The following FSHR variants were observed in gnomAD, a reference collection of about 807,000 sequenced individuals.
FSHR encodes follicle-stimulating hormone receptor.
In FSHR, 46 loss-of-function variants were observed where a neutral mutation model predicts 52.1. That is an observed-to-expected ratio of 0.88 (90% confidence interval 0.70 to 1.13). The LOEUF is 1.13. FSHR is among the 50% of genes most tolerant of loss of function. The probability of loss-of-function intolerance (pLI) is 0.00; values close to 1 mark genes in which losing one functional copy is unlikely to be tolerated. For synonymous variants in FSHR, 399 were observed against 309.6 expected (o/e 1.29, Z -3.03); for missense variants, 964 against 834.6 (o/e 1.16, Z -1.91).
At chr2:49,023,054 A>C (rs917411263) in intron 2 of FSHR, among the ~76,000 whole-genome samples, 16 of 152,052 alleles carry the variant, frequency 1.1e-4, no homozygotes, top group African/African-American at 3.6e-4. Flanking sequence ...AGACTTTTTG[A>C]CCCAATGTAC....
intron 8 of FSHR, among the ~76,000 whole-genome samples, chr2:48,978,217 A>G (rs949409159): frequency 6.6e-6 from 1 of 152,188 alleles, no homozygotes; most frequent in African/African-American, 2.4e-5. Context: ...CCCATTTAAT[A>G]AAGTGTGTTA....
intron 2 of FSHR, among the ~76,000 whole-genome samples, chr2:49,038,485 C>T (rs1246498408): frequency 2.0e-5 from 3 of 151,466 alleles, no homozygotes; most frequent in Admixed American, 6.6e-5. Flanking sequence ...ATTAGCCGGG[C>T]GTGGTGGGGA....
intron 1 of FSHR, among the ~76,000 whole-genome samples, chr2:49,133,233 C>G (rs905448238): frequency 6.6e-6 from 1 of 152,140 alleles, no homozygotes; most frequent in Non-Finnish European, 1.5e-5. Context: ...TTGGGGTCCC[C>G]TTCTTCTGAC....
intron 1 of FSHR, among the ~76,000 whole-genome samples, chr2:49,135,727 A>G (rs576769726): frequency 6.6e-6 from 1 of 152,294 alleles, no homozygotes; most frequent in African/African-American, 2.4e-5. Flanking sequence ...TGTCAACCAA[A>G]AGCCTTACTA....
chr2:48,989,138 C>A (rs781129340), intron 5 of FSHR, 84 bp from the exon 6 acceptor site: 1 of 946,882 alleles, frequency 1.1e-6, no homozygotes, highest in South Asian at 1.4e-5. Context: ...TGGCATGATG[C>A]GGTCTTCAGC....
intron 1 of FSHR, among the ~76,000 whole-genome samples, chr2:49,130,397 A>G (rs1041464192): frequency 5.3e-5 from 8 of 152,210 alleles, no homozygotes; most frequent in Non-Finnish European, 1.0e-4. Flanking sequence ...GGACTCCCTG[A>G]TCATTCCAAG....
chr2:49,071,420 T>C (rs1264657631), intron 1 of FSHR, among the ~76,000 whole-genome samples: 2 of 152,172 alleles, frequency 1.3e-5, no homozygotes, highest in African/African-American at 2.4e-5. Flanking sequence ...TAAAATTCTA[T>C]AATGTAGAAA....
At chr2:49,021,677 T>C (rs1667706093) in intron 2 of FSHR, among the ~76,000 whole-genome samples, 2 of 151,660 alleles carry the variant, frequency 1.3e-5, no homozygotes, top group African/African-American at 4.8e-5. Flanking sequence ...AACCCAGTGG[T>C]GGCAGGGCCA....
chr2:49,128,228 T>G (rs1431331712), intron 1 of FSHR, among the ~76,000 whole-genome samples: 1 of 152,030 alleles, frequency 6.6e-6, no homozygotes, highest in Non-Finnish European at 1.5e-5. Flanking sequence ...TTTCTGTGCT[T>G]CACAGTGACT....
intron 8 of FSHR, among the ~76,000 whole-genome samples, chr2:48,982,223 G>A (rs903137154): frequency 9.9e-5 from 15 of 152,164 alleles, no homozygotes; most frequent in African/African-American, 2.4e-5. Flanking sequence ...GAGGACTTTG[G>A]AATGATGCTT....
At chr2:48,980,659 C>T (rs1186144681) in intron 8 of FSHR, among the ~76,000 whole-genome samples, 2 of 152,076 alleles carry the variant, frequency 1.3e-5, no homozygotes, top group Middle Eastern at 3.2e-3. Flanking sequence ...GGGGCCTCAC[C>T]GAATAACTTT....
At chr2:49,122,430 T>C (rs1671851495) in intron 1 of FSHR, among the ~76,000 whole-genome samples, 1 of 152,322 alleles carries the variant, frequency 6.6e-6, no homozygotes, top group Non-Finnish European at 1.5e-5. Context: ...GTCGGGGTCT[T>C]CTTACACTTG....
chr2:49,116,435 TG>T (rs1671603315), intron 1 of FSHR, among the ~76,000 whole-genome samples: 1 of 152,170 alleles, frequency 6.6e-6, no homozygotes, highest in African/African-American at 2.4e-5. Context: ...TTTTAGTCTT[TG>T]TTAGGCTACT....
chr2:49,120,537 C>G (rs980195944), intron 1 of FSHR, among the ~76,000 whole-genome samples: 2 of 152,092 alleles, frequency 1.3e-5, no homozygotes, highest in Non-Finnish European at 1.5e-5. Flanking sequence ...ATATTATGTC[C>G]TTGAAAGAGC....
intron 9 of FSHR, among the ~76,000 whole-genome samples, chr2:48,967,400 A>G (rs890774093): frequency 6.6e-6 from 1 of 152,106 alleles, no homozygotes; most frequent in African/African-American, 2.4e-5. Context: ...TGCCTGGCCA[A>G]TCTTAATGTT....
At chr2:49,084,202 C>G (rs201045723) in intron 1 of FSHR, among the ~76,000 whole-genome samples, 3 of 151,298 alleles carry the variant, frequency 2.0e-5, no homozygotes, top group Admixed American at 2.0e-4. Context: ...CACTCAAAAC[C>G]GCTCAACTAC....
At chr2:48,990,025 TCTC>T (rs1675697943) in intron 5 of FSHR, among the ~76,000 whole-genome samples, 2 of 152,142 alleles carry the variant, frequency 1.3e-5, no homozygotes, top group African/African-American at 4.8e-5. Context: ...CCCTTCCCCA[TCTC>T]CTCCTTTTGG....
chr2:49,096,068 A>C (rs1604825), intron 1 of FSHR, among the ~76,000 whole-genome samples: 1 of 152,206 alleles, frequency 6.6e-6, no homozygotes, highest in Non-Finnish European at 1.5e-5. Context: ...TAGTTCCTCA[A>C]AAAGTTAAAC....
intron 1 of FSHR, among the ~76,000 whole-genome samples, chr2:49,108,228 C>T (rs1306162100): frequency 6.6e-6 from 1 of 152,160 alleles, no homozygotes; most frequent in African/African-American, 2.4e-5. Flanking sequence ...CCCTGCTTCT[C>T]AGGTCTTCAG....
Sources: allele counts gnomAD v4.1 joint callset (sites outside exome capture counted in the v4.1 genomes callset), GRCh38; gene constraint gnomAD v4.1.1; transcripts MANE v1.5; gene names NCBI Gene and HGNC (gene_info 2026-07-23, HGNC 2026-07-21).